The following PTPRD variants were observed in gnomAD, a reference collection of about 807,000 sequenced individuals.
The protein encoded by PTPRD is protein tyrosine phosphatase receptor type D.
A neutral mutation model predicts 214.5 loss-of-function variants in PTPRD; 34 were observed. The observed-to-expected ratio is 0.16, with a 90% CI of 0.12 to 0.21. The LOEUF is 0.21. PTPRD is among the 10% of genes least tolerant of loss of function. The probability of loss-of-function intolerance (pLI) is 1.00; values close to 1 mark genes in which losing one functional copy is unlikely to be tolerated. For synonymous variants in PTPRD, 1,128 were observed against 845.7 expected (o/e 1.33, Z -5.79); for missense variants, 2,545 against 2,398.7 (o/e 1.06, Z -1.27).
chr9:10,102,542 T>C (rs1371081211), intron 3 of PTPRD, among the ~76,000 whole-genome samples: 1 of 151,562 alleles, frequency 6.6e-6, no homozygotes, highest in Non-Finnish European at 1.5e-5. Flanking sequence ...TATTATTATA[T>C]TACTTATATT....
At chr9:9,758,239 C>T (rs2098608072) in intron 6 of PTPRD, among the ~76,000 whole-genome samples, 1 of 149,604 alleles carries the variant, frequency 6.7e-6, no homozygotes, top group Non-Finnish European at 1.5e-5. Context: ...AAAAAACAGA[C>T]ATTATTCAAT....
intron 7 of PTPRD, among the ~76,000 whole-genome samples, chr9:9,698,219 T>C (rs2097420634): frequency 6.6e-6 from 1 of 152,212 alleles, no homozygotes; most frequent in Non-Finnish European, 1.5e-5. Context: ...TACACCTCCG[T>C]CTTCCCATCA....
chr9:10,408,874 A>G (rs1439242750), intron 2 of PTPRD, among the ~76,000 whole-genome samples: 1 of 151,758 alleles, frequency 6.6e-6, no homozygotes, highest in Non-Finnish European at 1.5e-5. Flanking sequence ...AGTGCTCAGT[A>G]TATGTTAGAT....
intron 12 of PTPRD, among the ~76,000 whole-genome samples, chr9:8,691,183 T>C (rs1307700775): frequency 2.0e-5 from 3 of 152,118 alleles, no homozygotes; most frequent in Non-Finnish European, 4.4e-5. Flanking sequence ...CTAAAATATG[T>C]ACTAACTCAT....
intron 9 of PTPRD, among the ~76,000 whole-genome samples, chr9:9,310,920 GATAAATAAATAAATAAATAAATAA>G (rs146963669): frequency 5.1e-5 from 7 of 138,448 alleles, no homozygotes; most frequent in African/African-American, 1.9e-4. Context: ...CTGTGTCTCA[GATAAATAAATAAATAAATAAATAA>G]ATAAATAAAT....
intron 5 of PTPRD, among the ~76,000 whole-genome samples, chr9:9,878,618 A>C (rs967862619): frequency 3.3e-5 from 5 of 152,190 alleles, no homozygotes; most frequent in African/African-American, 9.6e-5. Flanking sequence ...TCCTGCGTAC[A>C]TTGCTGGATG....
intron 8 of PTPRD, among the ~76,000 whole-genome samples, chr9:9,493,804 A>G (rs1589817534): frequency 1.3e-5 from 2 of 151,290 alleles, no homozygotes; most frequent in East Asian, 1.9e-4. Context: ...AAAAAAAAAA[A>G]AAAAAAGAAA....
intron 4 of PTPRD, among the ~76,000 whole-genome samples, chr9:9,963,317 T>C (rs2094480306): frequency 6.6e-6 from 1 of 152,178 alleles, no homozygotes; most frequent in South Asian, 2.1e-4. Flanking sequence ...TTTAAGTCTA[T>C]TTGGCACTCA....
intron 2 of PTPRD, among the ~76,000 whole-genome samples, chr9:10,407,967 T>C (rs2098391446): frequency 6.6e-6 from 1 of 151,574 alleles, no homozygotes; most frequent in African/African-American, 2.4e-5. Flanking sequence ...CAAAAGCTTA[T>C]TTTATCTAAT....
At chr9:10,542,968 C>G (rs2059444003) in intron 2 of PTPRD, among the ~76,000 whole-genome samples, 1 of 152,150 alleles carries the variant, frequency 6.6e-6, no homozygotes, top group Non-Finnish European at 1.5e-5. Flanking sequence ...TCGCACTGGT[C>G]TTGAACTCCC....
At chr9:9,283,636 A>C (rs2133726509) in intron 9 of PTPRD, among the ~76,000 whole-genome samples, 1 of 151,682 alleles carries the variant, frequency 6.6e-6, no homozygotes, top group Middle Eastern at 3.4e-3. Context: ...CATTTGGTTC[A>C]ATTAAGTGAA....
intron 2 of PTPRD, among the ~76,000 whole-genome samples, chr9:10,524,417 A>G (rs1361451793): frequency 6.6e-6 from 1 of 152,086 alleles, no homozygotes. Flanking sequence ...TCTGAAACAT[A>G]CACACGCTAA....
intron 8 of PTPRD, among the ~76,000 whole-genome samples, chr9:9,423,353 A>G (rs1302084746): frequency 1.3e-5 from 2 of 152,138 alleles, no homozygotes; most frequent in African/African-American, 4.8e-5. Flanking sequence ...ACAGAGCAAA[A>G]AGGCAGCCTT....
intron 10 of PTPRD, among the ~76,000 whole-genome samples, chr9:9,033,698 C>T (rs1299408881): frequency 6.6e-6 from 1 of 152,096 alleles, no homozygotes; most frequent in African/African-American, 2.4e-5. Flanking sequence ...TTCTCTGTCT[C>T]TCTCTATCTC....
chr9:8,913,546 T>C (rs1372296350), intron 11 of PTPRD, among the ~76,000 whole-genome samples: 2 of 152,152 alleles, frequency 1.3e-5, no homozygotes, highest in Non-Finnish European at 2.9e-5. Context: ...ATTTTTTTCT[T>C]AATTTAAATA....
chr9:8,394,859 CA>C (rs2090665326), intron 36 of PTPRD, among the ~76,000 whole-genome samples: 1 of 151,890 alleles, frequency 6.6e-6, no homozygotes, highest in African/African-American at 2.4e-5. Context: ...CCTGATGGGG[CA>C]AAAAATAAAC....
intron 5 of PTPRD, among the ~76,000 whole-genome samples, chr9:9,931,886 G>A (rs370419558): frequency 9.3e-5 from 14 of 150,750 alleles, no homozygotes; most frequent in African/African-American, 1.5e-4. Flanking sequence ...ATCTGAGAAC[G>A]GGCAGACTGC....
chr9:10,241,248 T>A (rs1215006707), intron 3 of PTPRD, among the ~76,000 whole-genome samples: 1 of 151,958 alleles, frequency 6.6e-6, no homozygotes, highest in Non-Finnish European at 1.5e-5. Context: ...ATGCTACTAG[T>A]GGGAATGTAA....
rs2099123955 is a variant in PTPRD at position 10,485,067 on chromosome 9, T to G, written c.-600+127331A>C. On this transcript the variant is annotated intron_variant, in intron 2 of 45. Coordinates refer to ENST00000381196, the MANE Select transcript of PTPRD (RefSeq NM_002839.4). ...TATGAAAGGAGATAGAGGTCTAGTTTCATTCTTCTGCATATAGATATCCAG... is the reference window on the plus strand; with the variant it reads ...TATGAAAGGAGATAGAGGTCTAGTTGCATTCTTCTGCATATAGATATCCAG... Among the ~76,000 whole-genome samples the G allele has an allele frequency of 2.0e-5, 3 of 152,202 alleles. No homozygotes were observed. The South Asian group carries it at 6.2e-4, about 32-fold the overall frequency.
Sources: allele counts gnomAD v4.1 joint callset (sites outside exome capture counted in the v4.1 genomes callset), GRCh38; gene constraint gnomAD v4.1.1; transcripts MANE v1.5; gene names NCBI Gene and HGNC (gene_info 2026-07-23, HGNC 2026-07-21).